TNPO1: variants seen among roughly 807,000 people sequenced by gnomAD.
TNPO1 encodes transportin-1.
TNPO1 carries 8 observed loss-of-function variants against 119.5 expected under a neutral mutation model. The observed-to-expected ratio is 0.07, with a 90% confidence interval of 0.04 to 0.12. The LOEUF (loss-of-function observed/expected upper bound fraction) is 0.12, where lower values mean the gene tolerates loss of function less well. Ranked by LOEUF, TNPO1 falls within the 10% of genes least tolerant of loss-of-function variation. The pLI is 1.00. For missense variants in TNPO1, 576 were observed against 1,089.8 expected (o/e 0.53, Z 6.64); for synonymous variants, 362 against 363.0 (o/e 1.00, Z 0.03).
At chr5:72,908,366 A>G (rs976650971) in intron 24 of TNPO1, among the ~76,000 whole-genome samples, 4 of 152,220 alleles carry the variant, frequency 2.6e-5, no homozygotes, top group African/African-American at 9.6e-5. Flanking sequence ...AAGAAATAAC[A>G]AGTTCCCATT....
At chr5:72,862,010 A>G (rs1339764724) in intron 5 of TNPO1, 96 bp downstream of exon 5, 1 of 790,754 alleles carries the variant, frequency 1.3e-6, no homozygotes, top group Non-Finnish European at 2.1e-6. Context: ...CCTCTGAAAC[A>G]TACAGCTTCT....
chr5:72,848,706 C>T (rs1028200885), intron 2 of TNPO1, among the ~76,000 whole-genome samples: 5 of 147,598 alleles, frequency 3.4e-5, no homozygotes, highest in African/African-American at 4.9e-5. Context: ...GGGCCGGGGG[C>T]GCCGCCGCGT....
chr5:72,897,271 C>T, intron 20 of TNPO1, 120 bp downstream of exon 20: 1 of 635,162 alleles, frequency 1.6e-6, no homozygotes, highest in South Asian at 2.3e-5. Flanking sequence ...TATTTAATTG[C>T]TATTTCGGAT....
intron 24 of TNPO1, among the ~76,000 whole-genome samples, chr5:72,906,951 A>G (rs1226162878): frequency 1.3e-5 from 2 of 152,076 alleles, no homozygotes; most frequent in Non-Finnish European, 2.9e-5. Flanking sequence ...GATGTACACC[A>G]AGTTGAATTA....
chr5:72,886,642 T>G (rs527459473), intron 11 of TNPO1, among the ~76,000 whole-genome samples: 1 of 152,284 alleles, frequency 6.6e-6, no homozygotes, highest in East Asian at 1.9e-4. Flanking sequence ...CTCACACCTG[T>G]AATCCCAGCA....
intron 1 of TNPO1, among the ~76,000 whole-genome samples, chr5:72,830,954 C>G (rs535617905): frequency 2.5e-4 from 38 of 152,168 alleles, no homozygotes; most frequent in African/African-American, 4.8e-4. Context: ...TAAACAGGCA[C>G]GCAGAATTAT....
At chr5:72,832,411 G>T (rs1413226992) in intron 1 of TNPO1, among the ~76,000 whole-genome samples, 1 of 151,936 alleles carries the variant, frequency 6.6e-6, no homozygotes, top group East Asian at 1.9e-4. Flanking sequence ...TTCTATATTA[G>T]CTTCCCAGAA....
At chr5:72,907,851 C>T (rs918352221) in intron 24 of TNPO1, among the ~76,000 whole-genome samples, 7 of 151,542 alleles carry the variant, frequency 4.6e-5, no homozygotes, top group Non-Finnish European at 8.8e-5. Flanking sequence ...TGAGACCTGC[C>T]TGGGCAACAT....
rs750926796 is a variant in TNPO1 at position 72,865,539 on chromosome 5, G to C, written c.463-57G>C. 5 of 1,584,182 alleles carry C rather than the reference G, an allele frequency of 3.2e-6. No homozygotes were observed. In the African/African-American group the frequency reaches 4.1e-5, roughly 13 times the overall value. On this transcript the variant is annotated intron_variant, in intron 5 of 24. Coordinates refer to ENST00000337273, the MANE Select transcript of TNPO1 (RefSeq NM_002270.4). ...CAAATTAATCAGCATTCTTCAGTTT[G>C]TTTTCAAATGGCTTCATTTTTAACA...
chr5:72,905,786 A>G (rs1236195780), intron 24 of TNPO1, among the ~76,000 whole-genome samples: 1 of 152,098 alleles, frequency 6.6e-6, no homozygotes, highest in South Asian at 2.1e-4. Flanking sequence ...AGTCCCTGCT[A>G]CTCAGGAGGC....
chr5:72,872,859 C>T, intron 7 of TNPO1, 139 bp downstream of exon 7: 1 of 515,720 alleles, frequency 1.9e-6, no homozygotes, highest in Non-Finnish European at 3.3e-6. Flanking sequence ...TAAATTATTT[C>T]TGATAGTATT....
intron 3 of TNPO1, among the ~76,000 whole-genome samples, chr5:72,853,388 C>T (rs1324223175): frequency 6.6e-6 from 1 of 152,184 alleles, no homozygotes; most frequent in Non-Finnish European, 1.5e-5. Flanking sequence ...CTACAGTGAG[C>T]TGTGATCGTG....
In TNPO1 at chr5:72,851,298, CT is replaced by C; in HGVS notation, c.186del (p.Thr63GlnfsTer3). The C allele has an allele frequency of 6.3e-7, 1 of 1,594,542 alleles. No individual in the cohort carries two copies. Among genetic ancestry groups the C allele is most frequent in the Non-Finnish European group, 8.6e-7 (1 of 1,164,888 alleles). ...PDFNNYLIFV[L>X]TKLKSEDEPT... The stretch of plus-strand genomic sequence containing the variant: ...CTTTAACAACTACTTGATTTTTGTT[CT>C]TACAAAATTAAAATCTGAAGGTAAG... On this transcript the variant is annotated frameshift_variant, in exon 3 of 25. Coordinates refer to ENST00000337273, the MANE Select transcript of TNPO1 (RefSeq NM_002270.4). LOFTEE classifies it high-confidence loss of function.
Position 72,848,372 on chromosome 5 carries a change from G to A in TNPO1, c.16-13G>A. On this transcript the variant is annotated splice_polypyrimidine_tract_variant and intron_variant, in intron 1 of 24. Coordinates refer to ENST00000337273, the MANE Select transcript of TNPO1 (RefSeq NM_002270.4). ...GTTGCTCCGTCTCTTCCTGTGTCTG[G>A]CTTTATTTGCAGCAAACCAAGATGG... is the stretch of plus-strand genomic sequence containing the variant. 1 of 1,608,738 alleles carries A rather than the reference G, an allele frequency of 6.2e-7. No individual in the cohort carries two copies. Among genetic ancestry groups the A allele is most frequent in the Non-Finnish European group, 8.5e-7 (1 of 1,176,980 alleles).
chr5:72,882,919 A>C (rs1375434761), intron 10 of TNPO1, 145 bp from the exon 11 acceptor site: 2 of 667,112 alleles, frequency 3.0e-6, no homozygotes, highest in Non-Finnish European at 2.7e-6. Context: ...TGTTCTGTAC[A>C]TGGGCGTGGT....
chr5:72,829,484 A>G (rs1297109770), intron 1 of TNPO1, among the ~76,000 whole-genome samples: 2 of 152,256 alleles, frequency 1.3e-5, no homozygotes, highest in East Asian at 1.9e-4. Context: ...GTAGCTTTCA[A>G]TCAGGTAACT....
rs1244956255 is a variant in TNPO1 at position 72,900,122 on chromosome 5, C to T, written c.2414+41C>T. ...TCTTTTTTTTTAATTCATTTTTCTTCACTCTTTCTTTCTCTATCTCACTTT... is the reference window on the plus strand; with the variant it reads ...TCTTTTTTTTTAATTCATTTTTCTTTACTCTTTCTTTCTCTATCTCACTTT... On this transcript the variant is annotated intron_variant, in intron 21 of 24. Transcript: ENST00000337273. 3.3e-6 allele frequency: 5 copies of T among 1,522,554 alleles called. No homozygotes were observed. The Admixed American group carries it at 6.8e-5, about 21-fold the overall frequency. 94.3% of individuals were successfully genotyped at this position (1,522,554 alleles called of 1,614,324 possible). A position where few individuals can be genotyped will look rare whatever the true frequency, so the allele number is the denominator to read the frequency against.
At chr5:72,875,566 T>C (rs970686465) in intron 7 of TNPO1, 49 bp from the exon 8 acceptor site, 1 of 1,574,162 alleles carries the variant, frequency 6.4e-7, no homozygotes, top group East Asian at 2.3e-5. Context: ...ACTTATTACT[T>C]GTGTGTAAGC....
rs116462158 is a variant in TNPO1, at chr5:72,867,583, T to C, written c.596+1854T>C. ...TACTCGTATTTAGCCTTTAGTTATA[T>C]ATTATTTTTAATAACATAAGCAATC... On this transcript the variant is annotated intron_variant, in intron 6 of 24. Coordinates refer to ENST00000337273, the MANE Select transcript of TNPO1 (RefSeq NM_002270.4). Among the ~76,000 whole-genome samples, 759 of 152,330 alleles carry C rather than the reference T, an allele frequency of 5.0e-3. 5 individuals are homozygous for C. Among genetic ancestry groups the C allele is most frequent in the Middle Eastern group, 0.024 (7 of 294 alleles).
Sources: gnomAD v4.1 joint callset for allele counts (sites outside exome capture counted in the v4.1 genomes callset) on GRCh38, gnomAD v4.1.1 for gene constraint, MANE v1.5 for transcripts, NCBI Gene and HGNC (gene_info 2026-07-23, HGNC 2026-07-21) for gene names.